RPRD1B: variants seen among roughly 807,000 people sequenced by gnomAD.
RPRD1B encodes regulation of nuclear pre-mRNA domain containing 1B, also known as regulation of nuclear pre-mRNA domain-containing protein 1B.
In RPRD1B, 11 loss-of-function variants were observed where a neutral mutation model predicts 41.5. The ratio of observed to expected loss-of-function variants is 0.27; its 90% CI spans 0.17 to 0.44. The LOEUF (loss-of-function observed/expected upper bound fraction) is 0.44, where lower values mean the gene tolerates loss of function less well. Ranked by LOEUF, RPRD1B falls within the 20% of genes least tolerant of loss-of-function variation. The pLI is 1.00. For missense variants in RPRD1B, 248 were observed against 389.9 expected, an observed-to-expected ratio of 0.64 and a Z score of 3.06; for synonymous variants, 158 against 155.6, an observed-to-expected ratio of 1.02 and a Z score of -0.12.
intron 2 of RPRD1B, among the ~76,000 whole-genome samples, chr20:38,047,382 A>G (rs560376045): frequency 2.0e-5 from 3 of 152,258 alleles, no homozygotes; most frequent in Admixed American, 6.5e-5. Flanking sequence ...TCGGGTGTGA[A>G]TAGAGTTCCC....
rs1246310299 is a variant in RPRD1B at position 38,089,749 on chromosome 20, A to G, written c.855A>G (p.Arg285=). 3 of 1,614,120 alleles carry G rather than the reference A, an allele frequency of 1.9e-6. No individual in the cohort carries two copies. The South Asian group carries it at 3.3e-5, about 18-fold the overall frequency. Residue 285 remains arginine, a synonymous_variant, in exon 7 of 7, where the codon CGA becomes CGG. Coordinates refer to ENST00000373433, the MANE Select transcript of RPRD1B (RefSeq NM_021215.4). Reference sequence around the variant, plus strand: ...AGGAATACAAACAGAAGCTTGCACGAGTAACCCAGGTCCGCAAGGAACTGA... The same window carrying G: ...AGGAATACAAACAGAAGCTTGCACGGGTAACCCAGGTCCGCAAGGAACTGA... ...KLEEYKQKLA[R]VTQVRKELKS... is the part of the protein sequence containing the mutation.
At position 38,091,478 on chromosome 20, in the gene RPRD1B, C is replaced by G. The variant is rs914548529; in HGVS notation, c.*1603C>G. 7 of 985,394 alleles carry G rather than the reference C, an allele frequency of 7.1e-6. No homozygotes were observed. The highest frequency in any genetic ancestry group is 8.4e-6 in the Non-Finnish European group (7 of 829,936). The allele number at this position is 985,394 out of a possible 1,614,324, so 61.0% of individuals were successfully genotyped here. The stretch of plus-strand genomic sequence containing the variant: ...TTGAGCTGTTATTCAGATTTGAATT[C>G]AGACTGTGTGTTGTTTGCTTATGGA... On this transcript the variant is annotated 3_prime_UTR_variant, in exon 7 of 7. Coordinates refer to ENST00000373433, the MANE Select transcript of RPRD1B (RefSeq NM_021215.4).
At position 38,044,154 on chromosome 20, in the gene RPRD1B, C is replaced by T. The variant is rs371048214; in HGVS notation, c.281+3590C>T. 1.8e-4 allele frequency among the ~76,000 whole-genome samples: 27 copies of T among 152,230 alleles called. No individual in the cohort carries two copies. The East Asian group carries it at 1.9e-3, about 11-fold the overall frequency. ...CAGAGGGTGATGTGCATGCAGTACC[C>T]GCAGCAGACTGGAGCGCTCTGGGTA... On this transcript the variant is annotated intron_variant, in intron 2 of 6. Transcript: ENST00000373433.
At chr20:38,049,333 C>CTTATATTATTT in intron 3 of RPRD1B, among the ~76,000 whole-genome samples, 1 of 144,194 alleles carries the variant, frequency 6.9e-6, no homozygotes, top group South Asian at 2.2e-4. Context: ...TTAATAAGAG[C>CTTATATTATTT]TTATATTATT....
chr20:38,042,357 A>G lies in RPRD1B; in HGVS notation c.281+1793A>G, dbSNP rs1382375557. Among the ~76,000 whole-genome samples, 5 of 152,300 alleles carry G rather than the reference A, an allele frequency of 3.3e-5. No individual in the cohort carries two copies. The East Asian group carries it at 5.8e-4, about 18-fold the overall frequency. ...CAACAGAGCATGACCCTGTCTCTAA[A>G]TTACAAACAGACAAACGATCTGTAA... On this transcript the variant is annotated intron_variant, in intron 2 of 6. Coordinates refer to ENST00000373433, the MANE Select transcript of RPRD1B (RefSeq NM_021215.4).
intron 6 of RPRD1B, among the ~76,000 whole-genome samples, chr20:38,082,068 A>T (rs1171971047): frequency 6.6e-6 from 1 of 152,260 alleles, no homozygotes; most frequent in Non-Finnish European, 1.5e-5. Context: ...CTGGCTTCAT[A>T]GAATGAGTTA....
At chr20:38,071,425 G>T (rs570699078) in intron 6 of RPRD1B, among the ~76,000 whole-genome samples, 1 of 152,332 alleles carries the variant, frequency 6.6e-6, no homozygotes, top group East Asian at 1.9e-4. Flanking sequence ...ATGTGACACA[G>T]TTTATAACCT....
At chr20:38,060,848 C>G (rs2074290229) in intron 5 of RPRD1B, among the ~76,000 whole-genome samples, 1 of 152,162 alleles carries the variant, frequency 6.6e-6, no homozygotes, top group South Asian at 2.1e-4. Context: ...TGGAGTCTCT[C>G]TTTTCACTTC....
intron 2 of RPRD1B, among the ~76,000 whole-genome samples, chr20:38,047,636 G>A (rs554211562): frequency 9.9e-5 from 15 of 152,118 alleles, no homozygotes; most frequent in Admixed American, 7.9e-4. Context: ...GTAGGCAATT[G>A]GTTCTCAGTG....
At chr20:38,049,110 G>A (rs1251104130) in intron 3 of RPRD1B, among the ~76,000 whole-genome samples, 10 of 151,506 alleles carry the variant, frequency 6.6e-5, no homozygotes, top group East Asian at 2.0e-4. Flanking sequence ...CACAACACCC[G>A]GCTAATTTTT....
rs1007073334 is a variant in RPRD1B, at chr20:38,090,109, T to C, written c.*234T>C. ...CATATTTGCAAAGACTACAGACTTT[T>C]TCTCCCACTTCATATTTTCATGCCC... is the stretch of plus-strand genomic sequence containing the variant. On this transcript the variant is annotated 3_prime_UTR_variant, in exon 7 of 7. Transcript: ENST00000373433. 10 of 1,231,436 alleles carry C rather than the reference T, an allele frequency of 8.1e-6. No homozygotes were observed. The African/African-American group carries it at 1.4e-4, about 17-fold the overall frequency. 76.3% of individuals were successfully genotyped at this position (1,231,436 alleles called of 1,614,324 possible).
chr20:38,069,628 A>G (rs1049136469), intron 6 of RPRD1B, among the ~76,000 whole-genome samples: 1 of 152,194 alleles, frequency 6.6e-6, no homozygotes, highest in African/African-American at 2.4e-5. Flanking sequence ...TGCCAGCCAG[A>G]TGTACAAAGA....
chr20:38,068,658 T>C (rs1455133835), intron 6 of RPRD1B, among the ~76,000 whole-genome samples: 2 of 152,206 alleles, frequency 1.3e-5, no homozygotes, highest in African/African-American at 4.8e-5. Context: ...CTTCACAATA[T>C]AAGATTTGAG....
At chr20:38,089,460 T>C (rs191382783) in intron 6 of RPRD1B, among the ~76,000 whole-genome samples, 3 of 152,320 alleles carry the variant, frequency 2.0e-5, no homozygotes, top group Admixed American at 2.0e-4. Context: ...CCAAGTGTTA[T>C]TTCTTTCTAC....
intron 6 of RPRD1B, among the ~76,000 whole-genome samples, chr20:38,075,296 A>C (rs116180320): frequency 6.6e-6 from 1 of 152,258 alleles, no homozygotes; most frequent in Admixed American, 6.5e-5. Flanking sequence ...ATAAACCTCT[A>C]TACAAGTTAA....
intron 6 of RPRD1B, among the ~76,000 whole-genome samples, chr20:38,075,225 G>A (rs2074447878): frequency 6.6e-6 from 1 of 152,168 alleles, no homozygotes; most frequent in South Asian, 2.1e-4. Flanking sequence ...TCCTGCTGTA[G>A]GAGTTCTTGT....
intron 1 of RPRD1B, among the ~76,000 whole-genome samples, chr20:38,035,682 C>A (rs1427898318): frequency 5.3e-5 from 8 of 152,212 alleles, no homozygotes; most frequent in African/African-American, 1.9e-4. Context: ...GAAGAGTGTG[C>A]TGAAATGTGA....
At chr20:38,054,745 CT>C (rs1392540116) in intron 3 of RPRD1B, among the ~76,000 whole-genome samples, 1 of 152,012 alleles carries the variant, frequency 6.6e-6, no homozygotes, top group East Asian at 1.9e-4. Context: ...TTTTTTCTAC[CT>C]TCTTTAGCAT....
intron 4 of RPRD1B, 44 bp from the exon 5 acceptor site, chr20:38,059,350 C>A (rs1324058600): frequency 1.3e-6 from 2 of 1,550,332 alleles, no homozygotes; most frequent in Admixed American, 2.0e-5. Flanking sequence ...TTCTTTAAAC[C>A]CCATGTCTTA....
Sources: gnomAD v4.1 joint callset for allele counts (sites outside exome capture counted in the v4.1 genomes callset) on GRCh38, gnomAD v4.1.1 for gene constraint, MANE v1.5 for transcripts, NCBI Gene and HGNC (gene_info 2026-07-23, HGNC 2026-07-21) for gene names.